Variants in TJP1 observed in about 807,000 individuals in gnomAD.
TJP1 encodes the protein tight junction protein ZO-1.
A neutral mutation model predicts 194.2 loss-of-function variants in TJP1; 43 were observed. That is an observed-to-expected ratio of 0.22 (90% CI 0.17 to 0.29). The LOEUF is 0.29. Ranked by LOEUF, TJP1 falls within the 10% of genes least tolerant of loss-of-function variation. The probability of loss-of-function intolerance (pLI) is 1.00; values close to 1 mark genes in which losing one functional copy is unlikely to be tolerated. For missense variants in TJP1, 1,971 were observed against 2,185.7 expected (o/e 0.90, Z 1.96); for synonymous variants, 801 against 779.0 (o/e 1.03, Z -0.47).
chr15:29,889,850 A>G (rs766139203), intron 2 of TJP1, among the ~76,000 whole-genome samples: 15 of 152,270 alleles, frequency 9.9e-5, no homozygotes, highest in Non-Finnish European at 2.1e-4. Flanking sequence ...ATGGCTTACT[A>G]AACTACTTAG....
chr15:29,813,224 A>T (rs2049654661), intron 1 of TJP1, among the ~76,000 whole-genome samples: 1 of 152,186 alleles, frequency 6.6e-6, no homozygotes, highest in South Asian at 2.1e-4. Flanking sequence ...CAAACATCTT[A>T]GTCATAAAAT....
intron 2 of TJP1, among the ~76,000 whole-genome samples, chr15:29,786,192 G>T (rs896072926): frequency 6.6e-6 from 1 of 152,090 alleles, no homozygotes; most frequent in Non-Finnish European, 1.5e-5. Flanking sequence ...TAGTCAAATT[G>T]TGTGTGTCTT....
At chr15:29,939,787 C>T (rs1233941788) in intron 2 of TJP1, among the ~76,000 whole-genome samples, 1 of 152,136 alleles carries the variant, frequency 6.6e-6, no homozygotes, top group Non-Finnish European at 1.5e-5. Flanking sequence ...GCTTGTTTGC[C>T]CTTTCACCAT....
chr15:29,935,298 T>G (rs914492800), intron 2 of TJP1, among the ~76,000 whole-genome samples: 1 of 152,176 alleles, frequency 6.6e-6, no homozygotes, highest in African/African-American at 2.4e-5. Flanking sequence ...TTCCTTACAT[T>G]TACCTTCTAA....
At chr15:29,962,505 ATTTGT>A (rs1382808670) in intron 1 of TJP1, among the ~76,000 whole-genome samples, 2 of 152,218 alleles carry the variant, frequency 1.3e-5, no homozygotes, top group Non-Finnish European at 2.9e-5. Context: ...TCTACAAGAT[ATTTGT>A]TTTAAGATAC....
chr15:29,891,802 A>G lies in TJP1; in HGVS notation c.306+64430T>C, dbSNP rs562627212. On this transcript the variant is annotated intron_variant, in intron 2 of 28. Coordinates refer to the TJP1 transcript ENST00000356107. ...TGTTCCACTGACCGGCCATTCCCCCATCTCTTCCCCTCTCTGCAGGCCTCC... is the reference window on the plus strand; with the variant it reads ...TGTTCCACTGACCGGCCATTCCCCCGTCTCTTCCCCTCTCTGCAGGCCTCC... Among the ~76,000 whole-genome samples, 39 of 152,192 alleles carry G rather than the reference A, an allele frequency of 2.6e-4. No individual in the cohort carries two copies. The South Asian group carries it at 7.3e-3, about 28-fold the overall frequency.
Position 29,761,304 on chromosome 15 carries a change from C to G in TJP1, c.863-18G>C. On this transcript the variant is annotated intron_variant, in intron 7 of 27. Coordinates refer to ENST00000614355, the MANE Select transcript of TJP1 (RefSeq NM_001330239.4). ...TGAAATGTCTGTTAATAAAAGGGTGCTACTTATTTTCCCACAAAAATAATT... is the reference window on the plus strand; with the variant it reads ...TGAAATGTCTGTTAATAAAAGGGTGGTACTTATTTTCCCACAAAAATAATT... 6.2e-7 allele frequency: 1 copy of G among 1,613,460 alleles called. No homozygotes were observed. The highest frequency in any genetic ancestry group is 2.2e-5 in the East Asian group (1 of 44,854).
intron 23 of TJP1, among the ~76,000 whole-genome samples, chr15:29,714,833 G>A (rs766124185): frequency 2.0e-5 from 3 of 152,246 alleles, no homozygotes; most frequent in South Asian, 4.1e-4. Context: ...GAGCCACTGC[G>A]CCTGGCCATA....
chr15:29,809,092 G>A (rs1043573300), intron 1 of TJP1, among the ~76,000 whole-genome samples: 4 of 152,126 alleles, frequency 2.6e-5, no homozygotes, highest in African/African-American at 9.7e-5. Flanking sequence ...ATTATGATAT[G>A]CTATGTGCAA....
intron 8 of TJP1, among the ~76,000 whole-genome samples, chr15:29,751,035 G>C (rs2045242091): frequency 6.6e-6 from 1 of 152,230 alleles, no homozygotes; most frequent in African/African-American, 2.4e-5. Flanking sequence ...TTCATACTTA[G>C]AATGTTGCAA....
intron 2 of TJP1, among the ~76,000 whole-genome samples, chr15:29,851,740 G>T (rs2051649258): frequency 6.6e-6 from 1 of 152,184 alleles, no homozygotes; most frequent in East Asian, 1.9e-4. Context: ...ATTGGCAAAG[G>T]GATACATATA....
At chr15:29,797,466 T>G (rs1952744089) in intron 2 of TJP1, among the ~76,000 whole-genome samples, 1 of 151,562 alleles carries the variant, frequency 6.6e-6, no homozygotes. Flanking sequence ...TTATCAAAAC[T>G]TAAAGCATGT....
At chr15:29,717,346 A>G (rs771182283) in intron 22 of TJP1, among the ~76,000 whole-genome samples, 3 of 152,276 alleles carry the variant, frequency 2.0e-5, no homozygotes, top group Non-Finnish European at 2.9e-5. Context: ...AAGTAAATTC[A>G]TATTAGACAG....
rs772530003 is a variant in TJP1 at position 29,719,165 on chromosome 15, C to G, written c.3004-27G>C. ...TGTATAAAAAATTCACATTTAAGGA[C>G]AAAGTCTTGTTTCTAATTCTAGTCT... On this transcript the variant is annotated intron_variant, in intron 20 of 27. Transcript: ENST00000614355. The G allele has an allele frequency of 2.6e-6, 4 of 1,543,470 alleles. No individual in the cohort carries two copies. The African/African-American group carries it at 5.6e-5, about 21-fold the overall frequency.
intron 2 of TJP1, among the ~76,000 whole-genome samples, chr15:29,903,713 G>A (rs2053710514): frequency 6.6e-6 from 1 of 152,174 alleles, no homozygotes; most frequent in South Asian, 2.1e-4. Flanking sequence ...CAAAGTGCTG[G>A]GATTACAGGC....
In TJP1 at chr15:29,718,750, C is replaced by A; in HGVS notation, c.3392G>T (p.Arg1131Leu). 3.7e-6 allele frequency: 6 copies of A among 1,614,090 alleles called. No individual in the cohort carries two copies. The highest frequency in any genetic ancestry group is 5.1e-6 in the Non-Finnish European group (6 of 1,180,032). Residue 1131 changes from arginine to leucine, a missense_variant, in exon 21 of 28, where the codon CGT becomes CTT. This residue lies in a region of TJP1 where 1,108 missense variants were observed against 1,128.5 expected (regional missense o/e 0.98). Coordinates refer to ENST00000614355, the MANE Select transcript of TJP1 (RefSeq NM_001330239.4). ...EESSERGYFP[R>L]FEEPAPLSYD... ...AGACAGAGGGGCTGGCTCTTCAAAA[C>A]GTGGAAAGTACCCTCGTTCTGAGGA...
At chr15:29,803,760 G>A (rs1001044331) in intron 1 of TJP1, among the ~76,000 whole-genome samples, 8 of 152,040 alleles carry the variant, frequency 5.3e-5, no homozygotes, top group Admixed American at 5.2e-4. Flanking sequence ...TTGTACAAGG[G>A]AGAAGACTAA....
intron 2 of TJP1, among the ~76,000 whole-genome samples, chr15:29,855,792 G>A (rs1273804549): frequency 6.6e-6 from 1 of 151,918 alleles, no homozygotes; most frequent in East Asian, 1.9e-4. Context: ...GGAGATGGAG[G>A]CTTCAGTGAG....
At chr15:29,806,090 T>A (rs149641353) in intron 1 of TJP1, among the ~76,000 whole-genome samples, 1 of 152,142 alleles carries the variant, frequency 6.6e-6, no homozygotes, top group Non-Finnish European at 1.5e-5. Context: ...TCAAATGATA[T>A]AAGAATTCAT....
Sources: allele counts gnomAD v4.1 joint callset (sites outside exome capture counted in the v4.1 genomes callset), GRCh38; gene constraint gnomAD v4.1.1; regional missense constraint gnomAD v4.1.1; transcripts MANE v1.5; gene names NCBI Gene and HGNC (gene_info 2026-07-23, HGNC 2026-07-21).